Variants in ZNF827 observed in about 807,000 individuals in gnomAD.
The protein encoded by ZNF827 is zinc finger protein 827.
In ZNF827, 13 loss-of-function variants were observed where a neutral mutation model predicts 102.4. That is an observed-to-expected ratio of 0.13 (90% confidence interval 0.08 to 0.20). The LOEUF is 0.20. Ranked by LOEUF, ZNF827 falls within the 10% of genes least tolerant of loss-of-function variation. The probability of loss-of-function intolerance (pLI) is 1.00; values close to 1 mark genes in which losing one functional copy is unlikely to be tolerated. For synonymous variants in ZNF827, 523 were observed against 536.2 expected, an observed-to-expected ratio of 0.98 and a Z score of 0.34; for missense variants, 1,103 against 1,344.4, an observed-to-expected ratio of 0.82 and a Z score of 2.81.
intron 5 of ZNF827, among the ~76,000 whole-genome samples, chr4:145,855,935 C>A (rs939848066): frequency 6.6e-6 from 1 of 152,030 alleles, no homozygotes; most frequent in Non-Finnish European, 1.5e-5. Flanking sequence ...GGCTTTTTTA[C>A]CCTACACTGT....
In ZNF827 at chr4:145,892,272, G is replaced by A; in HGVS notation, c.1237C>T (p.Arg413Cys). 2 of 1,612,260 alleles carry A rather than the reference G, an allele frequency of 1.2e-6. No homozygotes were observed. The stretch of plus-strand genomic sequence containing the variant: ...ATGTGGGATTTGAGATTGTCCTTGC[G>A]AGCACACCGGAATGGACAGAGCGGA... Reference protein sequence around the residue: ...QCPLCPFRCARKDNLKSHMKV... With the variant: ...QCPLCPFRCACKDNLKSHMKV... Residue 413 changes from arginine (R) to cysteine (C), a missense_variant, in exon 3 of 15, where the codon CGC (arginine) becomes TGC (cysteine). By Grantham distance (180) the Arg-to-Cys change is radical. Transcript: ENST00000508784.
intron 5 of ZNF827, among the ~76,000 whole-genome samples, chr4:145,852,273 A>G (rs774193394): frequency 6.6e-6 from 1 of 152,210 alleles, no homozygotes; most frequent in Non-Finnish European, 1.5e-5. Flanking sequence ...ACCATGGAAT[A>G]AAAAATCACC....
At chr4:145,813,814 T>C (rs561291173) in intron 8 of ZNF827, among the ~76,000 whole-genome samples, 2 of 152,146 alleles carry the variant, frequency 1.3e-5, no homozygotes, top group Non-Finnish European at 2.9e-5. Flanking sequence ...GGGGTGACAC[T>C]GGAGACAGGA....
rs192347805 is a variant in ZNF827 at position 145,829,766 on chromosome 4, T to G, written c.2280-6241A>C. Among the ~76,000 whole-genome samples the G allele has an allele frequency of 7.8e-4, 119 of 152,306 alleles. 2 individuals are homozygous for G. Among genetic ancestry groups the G allele is most frequent in the African/African-American group, 2.8e-3 (116 of 41,568 alleles). ...TCACCAGGTGGTTTTCTATCCCTCC[T>G]GGTAACAGTGTCTTCCTCTTCTCTA... On this transcript the variant is annotated intron_variant, in intron 7 of 14. Coordinates refer to ENST00000508784, the MANE Select transcript of ZNF827 (RefSeq NM_001306215.2).
intron 8 of ZNF827, among the ~76,000 whole-genome samples, chr4:145,780,427 C>T (rs530805467): frequency 6.6e-6 from 1 of 152,168 alleles, no homozygotes; most frequent in African/African-American, 2.4e-5. Flanking sequence ...CAAGAATGAA[C>T]CAGAATTTCC....
chr4:145,778,969 A>G (rs1737533653), intron 9 of ZNF827, among the ~76,000 whole-genome samples: 1 of 152,190 alleles, frequency 6.6e-6, no homozygotes. Flanking sequence ...ACAATTATAC[A>G]TAAATAAAGG....
chr4:145,844,363 G>A (rs1745702536), intron 7 of ZNF827, among the ~76,000 whole-genome samples: 1 of 151,572 alleles, frequency 6.6e-6, no homozygotes, highest in Non-Finnish European at 1.5e-5. Context: ...ATTAGAACGA[G>A]GTTCCTCTCC....
chr4:145,830,167 T>C (rs1489759470), intron 7 of ZNF827, among the ~76,000 whole-genome samples: 1 of 152,182 alleles, frequency 6.6e-6, no homozygotes, highest in Non-Finnish European at 1.5e-5. Context: ...GTGTTTCATA[T>C]AATGAAACTA....
At chr4:145,867,703 A>G (rs984937484) in intron 5 of ZNF827, among the ~76,000 whole-genome samples, 2 of 152,214 alleles carry the variant, frequency 1.3e-5, no homozygotes, top group African/African-American at 4.8e-5. Flanking sequence ...CTGACCAGAA[A>G]GATTTTCCCA....
intron 7 of ZNF827, among the ~76,000 whole-genome samples, chr4:145,837,698 G>A (rs1744995938): frequency 6.6e-6 from 1 of 152,138 alleles, no homozygotes; most frequent in Non-Finnish European, 1.5e-5. Context: ...ATCTCCTTAA[G>A]CACTCTCTAA....
At chr4:145,841,725 G>A (rs754640749) in intron 7 of ZNF827, among the ~76,000 whole-genome samples, 2 of 152,160 alleles carry the variant, frequency 1.3e-5, no homozygotes, top group Non-Finnish European at 2.9e-5. Flanking sequence ...GAAGTGCCCC[G>A]ATGAGGACAC....
At chr4:145,896,806 A>G (rs191598507) in intron 2 of ZNF827, among the ~76,000 whole-genome samples, 23 of 152,364 alleles carry the variant, frequency 1.5e-4, no homozygotes, top group South Asian at 1.4e-3. Context: ...AAAAATGCAT[A>G]TGGAATGACT....
chr4:145,862,070 G>A (rs181977503), intron 5 of ZNF827, among the ~76,000 whole-genome samples: 37 of 152,326 alleles, frequency 2.4e-4, no homozygotes, highest in African/African-American at 6.7e-4. Context: ...CATATGGGGC[G>A]GGGGAAAGCA....
At chr4:145,836,709 C>T (rs1744878489) in intron 7 of ZNF827, among the ~76,000 whole-genome samples, 1 of 152,058 alleles carries the variant, frequency 6.6e-6, no homozygotes. Flanking sequence ...CTGTTCCTCA[C>T]CCTGATCACG....
At chr4:145,863,665 T>A (rs1747926122) in intron 5 of ZNF827, among the ~76,000 whole-genome samples, 1 of 150,222 alleles carries the variant, frequency 6.7e-6, no homozygotes, top group African/African-American at 2.5e-5. Flanking sequence ...TTCATTCATA[T>A]GAAACGTCCA....
intron 5 of ZNF827, among the ~76,000 whole-genome samples, chr4:145,867,444 G>A (rs977243661): frequency 1.1e-4 from 17 of 152,260 alleles, no homozygotes; most frequent in African/African-American, 3.9e-4. Flanking sequence ...CCATCCTTAA[G>A]GAGTTAACAT....
intron 7 of ZNF827, among the ~76,000 whole-genome samples, chr4:145,844,304 G>A (rs978106941): frequency 1.3e-5 from 2 of 151,672 alleles, no homozygotes; most frequent in Non-Finnish European, 2.9e-5. Flanking sequence ...TTTTCTCTCT[G>A]TATACTTATA....
At chr4:145,799,752 T>C (rs951758304) in intron 8 of ZNF827, among the ~76,000 whole-genome samples, 5 of 152,174 alleles carry the variant, frequency 3.3e-5, no homozygotes, top group South Asian at 2.1e-4. Flanking sequence ...CCAGAAGTGA[T>C]GTGTTACATG....
At chr4:145,910,800 G>A (rs1752227250) in intron 1 of ZNF827, among the ~76,000 whole-genome samples, 1 of 152,120 alleles carries the variant, frequency 6.6e-6, no homozygotes, top group South Asian at 2.1e-4. Flanking sequence ...AGGAAAATAA[G>A]CTCCTGCCTC....
Sources: gnomAD v4.1 joint callset for allele counts (sites outside exome capture counted in the v4.1 genomes callset) on GRCh38, gnomAD v4.1.1 for gene constraint, MANE v1.5 for transcripts, NCBI Gene and HGNC (gene_info 2026-07-23, HGNC 2026-07-21) for gene names.